Variants in TIAM2 observed in about 807,000 individuals in gnomAD.
TIAM2 encodes TIAM Rac1 associated GEF 2.
Under a neutral mutation model 152.9 loss-of-function variants are expected in TIAM2, and 80 were observed. That is an observed-to-expected ratio of 0.52 (90% CI 0.44 to 0.63). The LOEUF is 0.63. Ranked by LOEUF, TIAM2 falls within the 30% of genes least tolerant of loss-of-function variation. The pLI, the probability that TIAM2 is intolerant of heterozygous loss-of-function variation, is 0.00. For synonymous variants in TIAM2, 804 were observed against 838.0 expected, an observed-to-expected ratio of 0.96 and a Z score of 0.70; for missense variants, 1,965 against 2,120.1, an observed-to-expected ratio of 0.93 and a Z score of 1.44.
rs1781050959 is a variant in TIAM2 at position 155,186,694 on chromosome 6, T to C, written c.3064+3194T>C. Among the ~76,000 whole-genome samples the C allele has an allele frequency of 1.3e-5, 2 of 152,224 alleles. No individual in the cohort carries two copies. Among genetic ancestry groups the C allele is most frequent in the South Asian group, 4.1e-4 (2 of 4,830 alleles). On this transcript the variant is annotated intron_variant, in intron 14 of 26. Transcript: ENST00000682666. The surrounding 1 kb of genome is among the most constrained non-coding windows in gnomAD (Gnocchi z 4.5). ...CTCCTCCTCCCTCGCTTTTGCAGCTTCCTGTTTTATTAAAAATTACCTTGA... is the reference window on the plus strand; with the variant it reads ...CTCCTCCTCCCTCGCTTTTGCAGCTCCCTGTTTTATTAAAAATTACCTTGA...
At chr6:155,052,082 A>G (rs200673482) in intron 1 of TIAM2, among the ~76,000 whole-genome samples, 7 of 152,162 alleles carry the variant, frequency 4.6e-5, no homozygotes, top group East Asian at 1.9e-4. Flanking sequence ...AGTTACCACT[A>G]TGGAAAGTTG....
At chr6:155,223,035 G>A (rs562155189) in intron 15 of TIAM2, among the ~76,000 whole-genome samples, 8 of 152,254 alleles carry the variant, frequency 5.3e-5, no homozygotes, top group African/African-American at 1.9e-4. Flanking sequence ...ATGCACTTAC[G>A]TTATTTAGGA....
chr6:155,128,866 C>CA (rs552124879), intron 3 of TIAM2, among the ~76,000 whole-genome samples: 16 of 148,988 alleles, frequency 1.1e-4, no homozygotes, highest in Admixed American at 4.0e-4. Flanking sequence ...GACTCTGTCT[C>CA]AAAAAAAAAG....
In TIAM2 at chr6:155,176,914, CG is replaced by C; in HGVS notation, c.2462del (p.Gly821GlufsTer4). 6.2e-7 allele frequency: 1 copy of C among 1,613,866 alleles called. No individual in the cohort carries two copies. Among genetic ancestry groups the C allele is most frequent in the Non-Finnish European group, 8.5e-7 (1 of 1,179,922 alleles). On this transcript the variant is annotated frameshift_variant, in exon 10 of 27. Coordinates refer to ENST00000682666, the MANE Select transcript of TIAM2 (RefSeq NM_012454.4). LOFTEE classifies it high-confidence loss of function. ...QTYVHFQDNH[G>X]VTVGIKPEHR... ...CTTATGTCCACTTTCAGGACAATCA[CG>C]GAGTTACTGTAGGGATCAAGCCAGA...
Position 155,024,778 on chromosome 6 carries a change from G to A in TIAM2, c.-209+29286G>A, listed in dbSNP as rs531569968. ...TGTCCTTGACTTTCTTTTCCCTTTT[G>A]TGTCCTGCAGTGACAGAGTGGGGAA... On this transcript the variant is annotated intron_variant, in intron 1 of 26. Transcript: ENST00000682666. 9.2e-5 allele frequency among the ~76,000 whole-genome samples: 14 copies of A among 151,986 alleles called. No individual in the cohort carries two copies. In the East Asian group the frequency reaches 2.7e-3, roughly 29 times the overall value.
rs543459474 is a variant in TIAM2, at chr6:155,032,383, C to T, written c.-209+36891C>T. ...GATGCTGATAGCAATCTATGTCATGCGTGGCATTAATCACTAAATCCCTGT... is the reference window on the plus strand; with the variant it reads ...GATGCTGATAGCAATCTATGTCATGTGTGGCATTAATCACTAAATCCCTGT... On this transcript the variant is annotated intron_variant, in intron 1 of 26. Coordinates refer to ENST00000682666, the MANE Select transcript of TIAM2 (RefSeq NM_012454.4). 4.6e-5 allele frequency among the ~76,000 whole-genome samples: 7 copies of T among 152,224 alleles called. No individual in the cohort carries two copies. In the East Asian group the frequency reaches 7.7e-4, roughly 17 times the overall value.
At chr6:155,188,177 T>C (rs1179568859) in intron 14 of TIAM2, among the ~76,000 whole-genome samples, 1 of 152,150 alleles carries the variant, frequency 6.6e-6, no homozygotes, top group East Asian at 1.9e-4. Context: ...CCATTGTCTT[T>C]CCTCGTGCGC....
At chr6:155,029,305 A>G (rs1432875026) in intron 1 of TIAM2, among the ~76,000 whole-genome samples, 1 of 118,934 alleles carries the variant, frequency 8.4e-6, no homozygotes, top group Non-Finnish European at 1.7e-5. Context: ...TATATGTACT[A>G]TGTGTTATAT....
chr6:155,243,984 A>T, intron 16 of TIAM2, 27 bp from the exon 17 acceptor site: 1 of 1,607,478 alleles, frequency 6.2e-7, no homozygotes, highest in Non-Finnish European at 8.5e-7. Context: ...TAAAGCGTTG[A>T]AGACACTTTC....
rs1376318489 is a variant in TIAM2 at position 155,156,368 on chromosome 6, A to T, written c.2028+8034A>T. Among the ~76,000 whole-genome samples the T allele has an allele frequency of 6.6e-6, 1 of 152,096 alleles. No individual in the cohort carries two copies. Among genetic ancestry groups the T allele is most frequent in the Non-Finnish European group, 1.5e-5 (1 of 68,000 alleles). On this transcript the variant is annotated intron_variant, in intron 7 of 26. Coordinates refer to ENST00000682666, the MANE Select transcript of TIAM2 (RefSeq NM_012454.4). The surrounding 1 kb of genome is among the most constrained non-coding windows in gnomAD (Gnocchi z 4.4). ...AGACTGGGTTGCATCGGAAAAGCAC[A>T]TCTGGGTCAGGTGCAGTGGCTCATG... is the stretch of plus-strand genomic sequence containing the variant.
In TIAM2 at chr6:155,254,522, A is replaced by C. The variant is rs746297229; in HGVS notation, c.4417A>C (p.Lys1473Gln). The C allele has an allele frequency of 6.2e-7, 1 of 1,614,178 alleles. No individual in the cohort carries two copies. The highest frequency in any genetic ancestry group is 1.3e-5 in the African/African-American group (1 of 75,066). ...TGAATTACCACTGGAGAAAACGTGT[A>C]AGGATCGCCTGGTACCTCTTAAGAA... Reference protein sequence around the residue: ...KCELPLEKTCKDRLVPLKNRV... With the variant: ...KCELPLEKTCQDRLVPLKNRV... Residue 1473 changes from lysine to glutamine, a missense_variant, in exon 26 of 27, where the codon AAG becomes CAG. This residue lies in a region of TIAM2 where 935 missense variants were observed against 980.0 expected (regional missense o/e 0.95). Coordinates refer to ENST00000682666, the MANE Select transcript of TIAM2 (RefSeq NM_012454.4).
At chr6:155,021,468 G>T (rs1255457146) in intron 1 of TIAM2, among the ~76,000 whole-genome samples, 1 of 152,020 alleles carries the variant, frequency 6.6e-6, no homozygotes, top group African/African-American at 2.4e-5. Flanking sequence ...CGCCATGTTG[G>T]TCAGGCTGGT....
Position 155,164,578 on chromosome 6 carries a change from C to T in TIAM2, c.2192C>T (p.Ser731Phe). 7.4e-6 allele frequency: 12 copies of T among 1,613,332 alleles called. No homozygotes were observed. The highest frequency in any genetic ancestry group is 9.3e-6 in the Non-Finnish European group (11 of 1,179,446). Residue 731 changes from serine (S) to phenylalanine (F), a missense_variant, in exon 8 of 27, where the codon TCT becomes TTT. Ser to Phe is a radical substitution (Grantham distance 155). Around this residue, in one of 3 missense-constraint regions of TIAM2, gnomAD observed 1,025 missense variants for 1,119.4 expected, o/e 0.92. Transcript: ENST00000682666. ...GCCCTCGGCAGGCTGGGCATCTTGT[C>T]TGTTTCCTCTTTCCATGCTCTGGTA... is the stretch of plus-strand genomic sequence containing the variant. Reference protein sequence around the residue: ...KLALGRLGILSVSSFHALVCS... With the variant: ...KLALGRLGILFVSSFHALVCS...
intron 1 of TIAM2, among the ~76,000 whole-genome samples, chr6:155,070,129 A>G (rs1583176034): frequency 7.2e-6 from 1 of 138,572 alleles, no homozygotes; most frequent in East Asian, 2.1e-4. Flanking sequence ...CTGGTCTTGA[A>G]CTCCTGATCT....
chr6:155,249,478 C>G (rs1053136824), intron 20 of TIAM2, among the ~76,000 whole-genome samples: 1 of 152,162 alleles, frequency 6.6e-6, no homozygotes, highest in South Asian at 2.1e-4. Flanking sequence ...TCACTTTTCT[C>G]ATCTGTAAAA....
intron 22 of TIAM2, 22 bp from the exon 23 acceptor site, chr6:155,251,923 C>A (rs764247399): frequency 6.3e-7 from 1 of 1,580,606 alleles, no homozygotes; most frequent in Non-Finnish European, 8.7e-7. Context: ...TAAAGACTTT[C>A]TTTCTCTTTT....
At chr6:155,241,805 C>T (rs112630596) in intron 16 of TIAM2, among the ~76,000 whole-genome samples, 1,861 of 152,276 alleles carry the variant, frequency 0.012, 34 homozygotes, top group Non-Finnish European at 0.015. Context: ...TGTTCAGACT[C>T]AAGTTCTGAA....
intron 1 of TIAM2, among the ~76,000 whole-genome samples, chr6:155,052,964 G>T (rs865861504): frequency 6.6e-6 from 1 of 152,072 alleles, no homozygotes; most frequent in South Asian, 2.1e-4. Flanking sequence ...TAGGAGAATT[G>T]CGTTATTAAT....
intron 1 of TIAM2, among the ~76,000 whole-genome samples, chr6:155,048,071 G>A (rs1777241805): frequency 6.6e-6 from 1 of 152,018 alleles, no homozygotes; most frequent in African/African-American, 2.4e-5. Flanking sequence ...TCCTGCCTCA[G>A]CCTCGCAAGT....
Sources: gnomAD v4.1 joint callset for allele counts (sites outside exome capture counted in the v4.1 genomes callset) on GRCh38, gnomAD v4.1.1 for gene constraint, gnomAD v4.1.1 regional missense constraint, Gnocchi (gnomAD v3.1) non-coding constraint, MANE v1.5 for transcripts, NCBI Gene and HGNC (gene_info 2026-07-23, HGNC 2026-07-21) for gene names.